Variants in SLC2A13 observed in about 807,000 individuals in gnomAD.
SLC2A13 encodes the protein solute carrier family 2 member 13, also known as proton myo-inositol cotransporter.
In SLC2A13, 32 loss-of-function variants were observed where a neutral mutation model predicts 64.4. The observed-to-expected ratio is 0.50, with a 90% CI of 0.37 to 0.67. The LOEUF is 0.67. Ranked by LOEUF, SLC2A13 falls within the 30% of genes least tolerant of loss-of-function variation. The pLI is 0.00. For synonymous variants in SLC2A13, 338 were observed against 327.1 expected (o/e 1.03, Z -0.36); for missense variants, 743 against 829.2 (o/e 0.90, Z 1.28).
At chr12:39,916,024 C>A (rs936199450) in intron 4 of SLC2A13, among the ~76,000 whole-genome samples, 7 of 151,776 alleles carry the variant, frequency 4.6e-5, no homozygotes, top group Admixed American at 2.6e-4. Flanking sequence ...TCTAATAGGA[C>A]AAATATCTGC....
At chr12:39,811,336 C>T (rs1439151086) in intron 7 of SLC2A13, among the ~76,000 whole-genome samples, 2 of 151,800 alleles carry the variant, frequency 1.3e-5, no homozygotes, top group Non-Finnish European at 2.9e-5. Flanking sequence ...TTATATCTTT[C>T]CTTCTAATTA....
rs1439129500 is a variant in SLC2A13 at position 39,900,327 on chromosome 12, G to C, written c.1035-28366C>G. Among the ~76,000 whole-genome samples the C allele has an allele frequency of 4.6e-5, 7 of 152,266 alleles. No individual in the cohort carries two copies. The East Asian group carries it at 9.6e-4, about 21-fold the overall frequency. The stretch of plus-strand genomic sequence containing the variant: ...ACCACTCCTATTCAACATAGTGTTG[G>C]AAGTTCTGGCCAGGGCGATTAGGCA... On this transcript the variant is annotated intron_variant, in intron 4 of 9. Coordinates refer to ENST00000280871, the MANE Select transcript of SLC2A13 (RefSeq NM_052885.4).
chr12:39,783,112 C>T (rs1043786650), intron 7 of SLC2A13, among the ~76,000 whole-genome samples: 1 of 152,012 alleles, frequency 6.6e-6, no homozygotes, highest in African/African-American at 2.4e-5. Flanking sequence ...TGAGTGAGAA[C>T]ATGCGGTGTT....
chr12:39,792,254 C>T (rs533844434), intron 7 of SLC2A13, among the ~76,000 whole-genome samples: 44 of 142,804 alleles, frequency 3.1e-4, no homozygotes, highest in Non-Finnish European at 3.2e-4. Context: ...AAACGTTAGA[C>T]CTAAAACCAT....
At chr12:39,955,421 A>C (rs1946298931) in intron 3 of SLC2A13, among the ~76,000 whole-genome samples, 1 of 152,208 alleles carries the variant, frequency 6.6e-6, no homozygotes, top group Non-Finnish European at 1.5e-5. Flanking sequence ...AGTGAAACCC[A>C]AAGTATGCAC....
rs757006339 is a variant in SLC2A13, at chr12:40,105,625, C to T, written c.184G>A (p.Gly62Arg). Residue 62 changes from glycine (G) to arginine (R), a missense_variant, in exon 1 of 10, where the codon GGG (glycine) becomes AGG (arginine). Gly to Arg is a moderately radical substitution (Grantham distance 125). Around this residue, in one of 2 missense-constraint regions of SLC2A13, gnomAD observed 448 missense variants for 447.4 expected, o/e 1.00. Transcript: ENST00000280871. This position sits in a 1 kb window ranked among gnomAD's most constrained non-coding sequence, Gnocchi z 4.2. ...QSAGAGGGGV[G>R]DLERAARRQF... ...CGCCGCGCCGCGCGCTCCAGGTCCC[C>T]GACGCCGCCGCCGCCCGCGCCCGCG... The T allele has an allele frequency of 4.0e-6, 6 of 1,491,240 alleles. No homozygotes were observed. In the East Asian group the frequency reaches 1.7e-4, roughly 42 times the overall value. The allele number at this position is 1,491,240 out of a possible 1,614,324, so 92.4% of individuals were successfully genotyped here.
rs2083261905 is a variant in SLC2A13 at position 39,843,520 on chromosome 12, C to T, written c.1320-13292G>A. On this transcript the variant is annotated intron_variant, in intron 6 of 9. Coordinates refer to ENST00000280871, the MANE Select transcript of SLC2A13 (RefSeq NM_052885.4). Reference sequence around the variant, plus strand: ...TAATGTTCACCAATATCTACTTGCCCTCCATTTCAAGGTAGATAGAGAATT... The same window carrying T: ...TAATGTTCACCAATATCTACTTGCCTTCCATTTCAAGGTAGATAGAGAATT... 2.0e-5 allele frequency among the ~76,000 whole-genome samples: 3 copies of T among 152,078 alleles called. No individual in the cohort carries two copies. In the South Asian group the frequency reaches 6.2e-4, roughly 31 times the overall value.
At chr12:39,894,637 C>A (rs1200001570) in intron 4 of SLC2A13, among the ~76,000 whole-genome samples, 2 of 152,154 alleles carry the variant, frequency 1.3e-5, no homozygotes, top group Non-Finnish European at 2.9e-5. Flanking sequence ...TTAAACTGAT[C>A]TATTTGGGCT....
At position 39,856,352 on chromosome 12, in the gene SLC2A13, G is replaced by A. The variant is rs374783111; in HGVS notation, c.1319+8410C>T. Among the ~76,000 whole-genome samples, 42 of 152,028 alleles carry A rather than the reference G, an allele frequency of 2.8e-4. No individual in the cohort carries two copies. The South Asian group carries it at 8.5e-3, about 31-fold the overall frequency. ...CTGAAGAGGTTCTTTTAACCTCTTT[G>A]CTATGCTTTATTTTATTTATTTTAT... On this transcript the variant is annotated intron_variant, in intron 6 of 9. Transcript: ENST00000280871.
chr12:39,863,595 T>C (rs1289065368), intron 6 of SLC2A13, among the ~76,000 whole-genome samples: 1 of 152,190 alleles, frequency 6.6e-6, no homozygotes, highest in African/African-American at 2.4e-5. Context: ...AGAATATGCA[T>C]TTCTAGCAAT....
chr12:39,781,181 A>C (rs1940969910), intron 7 of SLC2A13, among the ~76,000 whole-genome samples: 1 of 152,224 alleles, frequency 6.6e-6, no homozygotes, highest in South Asian at 2.1e-4. Flanking sequence ...AAAACTGAGA[A>C]AATCTATCTC....
chr12:39,856,377 T>G (rs1367394989), intron 6 of SLC2A13, among the ~76,000 whole-genome samples: 1 of 152,176 alleles, frequency 6.6e-6, no homozygotes. Context: ...ATTTATTTTA[T>G]TTTATTTTTT....
intron 3 of SLC2A13, among the ~76,000 whole-genome samples, chr12:39,997,167 T>G (rs569631): frequency 0.66 from 100,659 of 152,008 alleles, 33,642 homozygotes; most frequent in African/African-American, 0.73. Flanking sequence ...AAAACAGCAT[T>G]ATACCAGTAT....
At chr12:39,948,544 T>C (rs989706259) in intron 4 of SLC2A13, among the ~76,000 whole-genome samples, 3 of 152,170 alleles carry the variant, frequency 2.0e-5, no homozygotes, top group African/African-American at 7.2e-5. Context: ...GGATGATTTA[T>C]CTTTTAATGT....
chr12:39,854,340 C>T (rs1193358270), intron 6 of SLC2A13, among the ~76,000 whole-genome samples: 2 of 152,002 alleles, frequency 1.3e-5, no homozygotes, highest in African/African-American at 4.8e-5. Flanking sequence ...ATTGTAAGAG[C>T]TTAGTTAACA....
chr12:40,022,025 G>C (rs374094311), intron 3 of SLC2A13, among the ~76,000 whole-genome samples: 2 of 151,888 alleles, frequency 1.3e-5, no homozygotes, highest in East Asian at 3.9e-4. Flanking sequence ...TGACCAAATT[G>C]CAAAATTACT....
chr12:39,853,549 C>T (rs1020883779), intron 6 of SLC2A13, among the ~76,000 whole-genome samples: 1 of 147,070 alleles, frequency 6.8e-6, no homozygotes, highest in Non-Finnish European at 1.5e-5. Flanking sequence ...CTTTTCTTTT[C>T]TTTCTTTCTT....
At chr12:39,954,496 C>T (rs1170097687) in intron 3 of SLC2A13, among the ~76,000 whole-genome samples, 1 of 152,070 alleles carries the variant, frequency 6.6e-6, no homozygotes, top group Non-Finnish European at 1.5e-5. Context: ...TCCAGGAGCT[C>T]AAACAGGGCT....
intron 4 of SLC2A13, among the ~76,000 whole-genome samples, chr12:39,902,970 T>TGTGCAAC (rs1945173758): frequency 2.6e-5 from 4 of 152,144 alleles, no homozygotes; most frequent in Non-Finnish European, 5.9e-5. Context: ...GAAATGTTTG[T>TGTGCAAC]TCATAAAAAG....
Sources: gnomAD v4.1 joint callset for allele counts (sites outside exome capture counted in the v4.1 genomes callset) on GRCh38, gnomAD v4.1.1 for gene constraint, gnomAD v4.1.1 regional missense constraint, Gnocchi (gnomAD v3.1) non-coding constraint, MANE v1.5 for transcripts, NCBI Gene and HGNC (gene_info 2026-07-23, HGNC 2026-07-21) for gene names.